Variants in NCKAP5 observed in about 807,000 individuals in gnomAD.
The protein encoded by NCKAP5 is nck-associated protein 5.
A neutral mutation model predicts 167.0 loss-of-function variants in NCKAP5; 92 were observed. That is an observed-to-expected ratio of 0.55 (90% CI 0.47 to 0.66). The LOEUF is 0.66. Ranked by LOEUF, NCKAP5 falls within the 30% of genes least tolerant of loss-of-function variation. NCKAP5 has a pLI of 0.00. For synonymous variants in NCKAP5, 891 were observed against 877.4 expected (o/e 1.02, Z -0.27); for missense variants, 2,378 against 2,315.0 (o/e 1.03, Z -0.56).
intron 3 of NCKAP5, among the ~76,000 whole-genome samples, chr2:133,329,474 AAAG>A: frequency 6.6e-6 from 1 of 152,174 alleles, no homozygotes; most frequent in East Asian, 1.9e-4. Context: ...TGGTCTTCAT[AAAG>A]AATAGCCAAG....
At chr2:133,189,408 G>C (rs2085105123) in intron 5 of NCKAP5, among the ~76,000 whole-genome samples, 1 of 152,090 alleles carries the variant, frequency 6.6e-6, no homozygotes, top group African/African-American at 2.4e-5. Flanking sequence ...AATAGAAAAA[G>C]AAAGAATCCT....
At chr2:133,577,154 G>T in the NCKAP5 span, among the ~76,000 whole-genome samples, 4 of 152,164 alleles carry the variant, frequency 2.6e-5, no homozygotes, top group African/African-American at 9.7e-5. Context: ...CACCCTAGGA[G>T]GGGGCAGTGG....
chr2:133,591,815 T>C, the NCKAP5 span, among the ~76,000 whole-genome samples: 1 of 152,194 alleles, frequency 6.6e-6, no homozygotes, highest in African/African-American at 2.4e-5. Flanking sequence ...GCCCACGACT[T>C]TAATTTTTTT....
chr2:133,177,178 A>ATG (rs2084503523), intron 5 of NCKAP5, among the ~76,000 whole-genome samples: 1 of 136,932 alleles, frequency 7.3e-6, no homozygotes. Context: ...ATATATATAT[A>ATG]TATATATATA....
chr2:132,963,276 A>G (rs2076570170), intron 8 of NCKAP5, among the ~76,000 whole-genome samples: 1 of 151,968 alleles, frequency 6.6e-6, no homozygotes, highest in Admixed American at 6.6e-5. Flanking sequence ...TAATTCCTGC[A>G]CGTTTTTTTT....
intron 6 of NCKAP5, among the ~76,000 whole-genome samples, chr2:133,046,807 G>C (rs2079416448): frequency 6.6e-6 from 1 of 152,168 alleles, no homozygotes; most frequent in African/African-American, 2.4e-5. Flanking sequence ...AAAAAGGAAT[G>C]TCTAGAAAGG....
chr2:133,575,451 C>T, the NCKAP5 span, among the ~76,000 whole-genome samples: 4 of 152,172 alleles, frequency 2.6e-5, no homozygotes, highest in South Asian at 2.1e-4. Context: ...TGAGTCCTAT[C>T]GGTTAGGGTC....
At chr2:133,524,000 A>G (rs925672558) in intron 2 of NCKAP5, among the ~76,000 whole-genome samples, 23 of 152,188 alleles carry the variant, frequency 1.5e-4, no homozygotes, top group African/African-American at 5.5e-4. Context: ...GAGTAAAAAC[A>G]GCCAGGGTTG....
At chr2:133,165,676 CAG>C (rs1265571265) in intron 5 of NCKAP5, among the ~76,000 whole-genome samples, 1 of 152,104 alleles carries the variant, frequency 6.6e-6, no homozygotes, top group Non-Finnish European at 1.5e-5. Flanking sequence ...CTGTGACACA[CAG>C]ATGCTTCTCC....
At chr2:133,599,198 G>A in the NCKAP5 span, among the ~76,000 whole-genome samples, 1 of 152,166 alleles carries the variant, frequency 6.6e-6, no homozygotes, top group African/African-American at 2.4e-5. Context: ...GTTTTGTAGG[G>A]GACACAATTC....
chr2:133,058,640 G>T (rs1377877863), intron 6 of NCKAP5, among the ~76,000 whole-genome samples: 1 of 152,126 alleles, frequency 6.6e-6, no homozygotes, highest in Non-Finnish European at 1.5e-5. Context: ...TCTTATGGAT[G>T]AAAAAAGAAA....
At chr2:133,405,265 T>G (rs1368193323) in intron 3 of NCKAP5, among the ~76,000 whole-genome samples, 2 of 152,222 alleles carry the variant, frequency 1.3e-5, no homozygotes, top group African/African-American at 4.8e-5. Context: ...AGTTCATTTA[T>G]TAACTTTGGA....
At chr2:133,277,185 A>G (rs779390777) in intron 4 of NCKAP5, among the ~76,000 whole-genome samples, 12 of 152,166 alleles carry the variant, frequency 7.9e-5, no homozygotes, top group Non-Finnish European at 1.3e-4. Context: ...ATTCAATGCA[A>G]TTATGCAAGA....
chr2:132,710,883 TA>T (rs562491572), intron 19 of NCKAP5, among the ~76,000 whole-genome samples: 7 of 152,286 alleles, frequency 4.6e-5, no homozygotes, highest in East Asian at 1.9e-4. Context: ...ACAATTTTTT[TA>T]AAAAAAAGAT....
intron 7 of NCKAP5, among the ~76,000 whole-genome samples, chr2:132,968,439 T>A (rs888648845): frequency 6.6e-6 from 1 of 152,208 alleles, no homozygotes. Flanking sequence ...AATTCAGTGC[T>A]TAGATTTTAC....
chr2:132,951,924 G>T (rs1389437788), intron 8 of NCKAP5, among the ~76,000 whole-genome samples: 1 of 152,004 alleles, frequency 6.6e-6, no homozygotes, highest in African/African-American at 2.4e-5. Context: ...ACAACCCAGG[G>T]ACTCACTAAA....
intron 5 of NCKAP5, among the ~76,000 whole-genome samples, chr2:133,160,461 T>C (rs1449744717): frequency 6.7e-6 from 1 of 149,954 alleles, no homozygotes; most frequent in Non-Finnish European, 1.5e-5. Flanking sequence ...TTTAGCAGCG[T>C]TTATTTGATC....
At chr2:133,215,271 C>A (rs1384717587) in intron 4 of NCKAP5, among the ~76,000 whole-genome samples, 4 of 152,022 alleles carry the variant, frequency 2.6e-5, no homozygotes, top group Non-Finnish European at 5.9e-5. Flanking sequence ...ATGAAAAGAA[C>A]AAATTAAGGG....
At chr2:133,644,584 A>G in the NCKAP5 span, among the ~76,000 whole-genome samples, 6 of 152,192 alleles carry the variant, frequency 3.9e-5, no homozygotes, top group Non-Finnish European at 5.9e-5. Context: ...TTCTGAATTT[A>G]TGGCACTTTT....
Sources: allele counts gnomAD v4.1 joint callset (sites outside exome capture counted in the v4.1 genomes callset), GRCh38; gene constraint gnomAD v4.1.1; transcripts MANE v1.5; gene names NCBI Gene and HGNC (gene_info 2026-07-23, HGNC 2026-07-21).